The following COL13A1 variants were observed in gnomAD, a reference collection of about 807,000 sequenced individuals.
COL13A1 encodes collagen type XIII alpha 1 chain, also known as collagen alpha-1(XIII) chain.
A neutral mutation model predicts 130.9 loss-of-function variants in COL13A1; 89 were observed. The observed-to-expected ratio is 0.68, with a 90% confidence interval of 0.57 to 0.81. The LOEUF is 0.81. Ranked by LOEUF, COL13A1 falls within the 30% of genes least tolerant of loss-of-function variation. The pLI, the probability that COL13A1 is intolerant of heterozygous loss-of-function variation, is 0.00. For missense variants in COL13A1, 879 were observed against 934.6 expected (o/e 0.94, Z 0.78); for synonymous variants, 402 against 341.6 (o/e 1.18, Z -1.95).
intron 23 of COL13A1, 50 bp from the exon 24 acceptor site, chr10:69,923,752 C>G (rs544207030): frequency 6.3e-7 from 1 of 1,584,420 alleles, no homozygotes; most frequent in Admixed American, 1.8e-5. Flanking sequence ...TCATAAGCAG[C>G]TGTCCAGGTG....
intron 40 of COL13A1, among the ~76,000 whole-genome samples, 169 bp from the exon 41 acceptor site, chr10:69,958,530 C>T (rs992443063): frequency 6.6e-6 from 1 of 152,214 alleles, no homozygotes; most frequent in South Asian, 2.1e-4. Flanking sequence ...CTTCAGGGAG[C>T]TAAGGTCGCC....
chr10:69,899,788 C>T (rs1362126801), intron 14 of COL13A1, among the ~76,000 whole-genome samples: 2 of 152,194 alleles, frequency 1.3e-5, no homozygotes, highest in African/African-American at 4.8e-5. Flanking sequence ...CCTCACCTTT[C>T]TCATGCTGCA....
intron 17 of COL13A1, among the ~76,000 whole-genome samples, chr10:69,906,477 T>C (rs531771059): frequency 6.6e-6 from 1 of 152,268 alleles, no homozygotes; most frequent in Admixed American, 6.5e-5. Context: ...CCACATGGCC[T>C]CTTATCCTCC....
intron 28 of COL13A1, among the ~76,000 whole-genome samples, chr10:69,929,561 T>G (rs2065833161): frequency 6.6e-6 from 1 of 152,158 alleles, no homozygotes; most frequent in Non-Finnish European, 1.5e-5. Flanking sequence ...CCTCTGCTTC[T>G]CTGGGTAGGA....
At chr10:69,906,104 C>G (rs1217994880) in intron 17 of COL13A1, among the ~76,000 whole-genome samples, 2 of 152,196 alleles carry the variant, frequency 1.3e-5, no homozygotes, top group African/African-American at 2.4e-5. Flanking sequence ...ACAAATAACC[C>G]CAGTGAAGGC....
intron 2 of COL13A1, among the ~76,000 whole-genome samples, chr10:69,857,977 A>G (rs1227740): frequency 0.83 from 126,373 of 151,904 alleles, 52,924 homozygotes; most frequent in East Asian, 0.95. Context: ...ATAGCCAGGC[A>G]TGGTGGCGCA....
At chr10:69,823,714 C>A (rs779338143) in intron 2 of COL13A1, among the ~76,000 whole-genome samples, 1 of 152,112 alleles carries the variant, frequency 6.6e-6, no homozygotes, top group African/African-American at 2.4e-5. Context: ...ACAAGGAGAC[C>A]GTGAAAAGAT....
At chr10:69,914,604 C>T (rs71480619) in intron 17 of COL13A1, among the ~76,000 whole-genome samples, 25,471 of 152,168 alleles carry the variant, frequency 0.17, 2,749 homozygotes, top group East Asian at 0.27. Context: ...AGAGGGATGA[C>T]GGGGGCCTCT....
At chr10:69,913,295 G>A (rs998327674) in intron 17 of COL13A1, among the ~76,000 whole-genome samples, 1 of 152,192 alleles carries the variant, frequency 6.6e-6, no homozygotes, top group African/African-American at 2.4e-5. Context: ...GCGGCTGAGA[G>A]CCCCCAGGGG....
intron 35 of COL13A1, among the ~76,000 whole-genome samples, chr10:69,943,491 C>T (rs1371290418): frequency 2.6e-5 from 4 of 152,204 alleles, no homozygotes; most frequent in South Asian, 4.1e-4. Flanking sequence ...CCCCCAGCCC[C>T]GGGCTAGCAG....
intron 1 of COL13A1, among the ~76,000 whole-genome samples, chr10:69,805,110 G>A (rs1333025793): frequency 6.6e-6 from 1 of 152,206 alleles, no homozygotes. Flanking sequence ...GTGTGAGGAA[G>A]TAGGAGATGT....
At chr10:69,889,850 C>T (rs1447359639) in intron 10 of COL13A1, among the ~76,000 whole-genome samples, 1 of 152,204 alleles carries the variant, frequency 6.6e-6, no homozygotes, top group Non-Finnish European at 1.5e-5. Flanking sequence ...CTTCCGGGTG[C>T]TGGCTGTGCC....
At chr10:69,953,320 G>A (rs927419585) in intron 39 of COL13A1, among the ~76,000 whole-genome samples, 1 of 152,204 alleles carries the variant, frequency 6.6e-6, no homozygotes, top group Non-Finnish European at 1.5e-5. Context: ...GTGAGCCACG[G>A]ATTTGCCTTC....
Position 69,895,172 on chromosome 10 carries a change from C to T in COL13A1, c.658-378C>T, listed in dbSNP as rs541810664. Among the ~76,000 whole-genome samples, 3 of 152,334 alleles carry T rather than the reference C, an allele frequency of 2.0e-5. No homozygotes were observed. The South Asian group carries it at 6.2e-4, about 32-fold the overall frequency. Reference sequence around the variant, plus strand: ...AGCTCAGAGAAGGTGGCTTGGGACCCCCATGGTGCCGGCTGCTCCCATCCG... The same window carrying T: ...AGCTCAGAGAAGGTGGCTTGGGACCTCCATGGTGCCGGCTGCTCCCATCCG... On this transcript the variant is annotated intron_variant, in intron 12 of 40. Transcript: ENST00000645393.
intron 2 of COL13A1, among the ~76,000 whole-genome samples, chr10:69,838,973 C>A (rs1394950683): frequency 2.0e-5 from 3 of 152,220 alleles, no homozygotes; most frequent in Admixed American, 2.0e-4. Flanking sequence ...TACACACGTG[C>A]CAGTTGTTAT....
intron 38 of COL13A1, among the ~76,000 whole-genome samples, chr10:69,950,004 G>GTGTGTGTGTGTGCATGTGTT (rs768967197): frequency 0.012 from 1,757 of 151,198 alleles, 20 homozygotes; most frequent in South Asian, 0.038. Context: ...GTGTGCGTGT[G>GTGTGTGTGTGTGCATGTGTT]TGTGTACGTC....
intron 25 of COL13A1, 29 bp from the exon 26 acceptor site, chr10:69,925,775 C>T (rs766011336): frequency 1.9e-6 from 3 of 1,562,196 alleles, no homozygotes; most frequent in Middle Eastern, 1.7e-4. Flanking sequence ...CGGTCCAGGC[C>T]GTGGGTTGAG....
At position 69,944,113 on chromosome 10, in the gene COL13A1, T is replaced by C; in HGVS notation, c.1915-12T>C. ...TGGGGACCCTCACCTCTGCTTTCTT[T>C]CCCCTTCCCAGGGTACTCCAGGACC... On this transcript the variant is annotated splice_polypyrimidine_tract_variant and intron_variant, in intron 35 of 40. Coordinates refer to ENST00000645393, the MANE Select transcript of COL13A1 (RefSeq NM_001368882.1). 2 of 1,613,034 alleles carry C rather than the reference T, an allele frequency of 1.2e-6. No homozygotes were observed. The highest frequency in any genetic ancestry group is 1.7e-6 in the Non-Finnish European group (2 of 1,179,244).
At chr10:69,811,973 A>C (rs1843151037) in intron 1 of COL13A1, among the ~76,000 whole-genome samples, 1 of 151,630 alleles carries the variant, frequency 6.6e-6, no homozygotes, top group African/African-American at 2.4e-5. Flanking sequence ...TCTCCTCTCC[A>C]TCCCTGCCTG....
Sources: allele counts gnomAD v4.1 joint callset (sites outside exome capture counted in the v4.1 genomes callset), GRCh38; gene constraint gnomAD v4.1.1; transcripts MANE v1.5; gene names NCBI Gene and HGNC (gene_info 2026-07-23, HGNC 2026-07-21).